CNTNAP2: variants seen among roughly 807,000 people sequenced by gnomAD.
CNTNAP2 encodes contactin-associated protein-like 2.
Under a neutral mutation model 155.2 loss-of-function variants are expected in CNTNAP2, and 98 were observed. That is an observed-to-expected ratio of 0.63 (90% CI 0.54 to 0.75). The LOEUF (loss-of-function observed/expected upper bound fraction) is 0.75. CNTNAP2 is among the 30% of genes least tolerant of loss of function. The probability of loss-of-function intolerance (pLI) is 0.00; values close to 1 mark genes in which losing one functional copy is unlikely to be tolerated. For missense variants in CNTNAP2, 1,727 were observed against 1,688.1 expected, an observed-to-expected ratio of 1.02 and a Z score of -0.40; for synonymous variants, 651 against 631.2, an observed-to-expected ratio of 1.03 and a Z score of -0.47.
chr7:147,184,480 A>G (rs1017305620), intron 8 of CNTNAP2, among the ~76,000 whole-genome samples: 3 of 152,224 alleles, frequency 2.0e-5, no homozygotes, highest in African/African-American at 4.8e-5. Context: ...AGACTCTTGT[A>G]TAAACTATGG....
chr7:147,686,059 T>TA (rs367981754), intron 13 of CNTNAP2, among the ~76,000 whole-genome samples: 9 of 151,882 alleles, frequency 5.9e-5, no homozygotes, highest in East Asian at 5.8e-4. Flanking sequence ...ATATTCTACT[T>TA]AAAAAAAATA....
At chr7:147,033,180 A>ATGTG (rs1222902717) in intron 3 of CNTNAP2, among the ~76,000 whole-genome samples, 51 of 85,252 alleles carry the variant, frequency 6.0e-4, no homozygotes, top group African/African-American at 2.2e-3. Context: ...ATATATATAT[A>ATGTG]TATATATATA....
At chr7:146,350,302 A>C (rs1468706411) in intron 1 of CNTNAP2, among the ~76,000 whole-genome samples, 4 of 152,184 alleles carry the variant, frequency 2.6e-5, no homozygotes, top group African/African-American at 9.7e-5. Context: ...TAATATCTAG[A>C]ATCTACAATG....
chr7:148,096,278 C>T (rs1803967536), intron 15 of CNTNAP2, among the ~76,000 whole-genome samples: 2 of 119,170 alleles, frequency 1.7e-5, no homozygotes, highest in Non-Finnish European at 3.4e-5. Flanking sequence ...TGCATGCATG[C>T]ATGTGTGTGT....
chr7:146,949,845 A>G (rs1050203702), intron 3 of CNTNAP2, among the ~76,000 whole-genome samples: 3 of 152,292 alleles, frequency 2.0e-5, no homozygotes, highest in Non-Finnish European at 2.9e-5. Flanking sequence ...GCCATGGTGA[A>G]GGATATGAGC....
At chr7:146,366,544 A>G (rs531891068) in intron 1 of CNTNAP2, among the ~76,000 whole-genome samples, 1 of 152,274 alleles carries the variant, frequency 6.6e-6, no homozygotes, top group African/African-American at 2.4e-5. Flanking sequence ...TCCTGCACAA[A>G]AAGTATTTTT....
intron 1 of CNTNAP2, among the ~76,000 whole-genome samples, chr7:146,521,465 T>G (rs2129137487): frequency 6.6e-6 from 1 of 152,110 alleles, no homozygotes; most frequent in African/African-American, 2.4e-5. Context: ...TTTTTTTCCC[T>G]TAAATTACTC....
rs369577371 is a variant in CNTNAP2, at chr7:146,773,096, G to A, written c.98-1175G>A. On this transcript the variant is annotated intron_variant, in intron 1 of 23. Transcript: ENST00000361727. The stretch of plus-strand genomic sequence containing the variant: ...ATGCCATTTCCCAGAGACCCAGAGA[G>A]GGACGGTAGACTCAGAACAGTCCTG... Among the ~76,000 whole-genome samples, 14 of 152,078 alleles carry A rather than the reference G, an allele frequency of 9.2e-5. 1 individual carries two copies. The highest frequency in any genetic ancestry group is 1.7e-4 in the African/African-American group (7 of 41,408).
chr7:147,152,118 A>T (rs375623016), intron 8 of CNTNAP2, among the ~76,000 whole-genome samples: 1 of 152,168 alleles, frequency 6.6e-6, no homozygotes, highest in Non-Finnish European at 1.5e-5. Flanking sequence ...ACCCAGCCTA[A>T]GCAGTTTATA....
At chr7:148,387,717 TAAAACTACCTGGGGAGCTTTTTAAAACCC>T (rs547576041) in intron 22 of CNTNAP2, among the ~76,000 whole-genome samples, 1,760 of 152,238 alleles carry the variant, frequency 0.012, 12 homozygotes, top group Middle Eastern at 0.02. Context: ...GGAAGCACTT[TAAAACTACCTGGGGAGCTTTTTAAAACCC>T]AAAACTACCT....
At chr7:147,057,016 T>G (rs544763502) in intron 4 of CNTNAP2, among the ~76,000 whole-genome samples, 4 of 152,010 alleles carry the variant, frequency 2.6e-5, no homozygotes, top group African/African-American at 7.2e-5. Context: ...CCCACGTTGG[T>G]TTTAGACTCC....
intron 1 of CNTNAP2, among the ~76,000 whole-genome samples, chr7:146,131,862 T>C (rs1443696512): frequency 6.6e-6 from 1 of 152,134 alleles, no homozygotes; most frequent in Non-Finnish European, 1.5e-5. Context: ...GTTCTCGTGA[T>C]AGTGAGTGAG....
chr7:147,244,337 A>T (rs1194384310), intron 8 of CNTNAP2, among the ~76,000 whole-genome samples: 1 of 152,224 alleles, frequency 6.6e-6, no homozygotes, highest in Non-Finnish European at 1.5e-5. Flanking sequence ...AATAAAAAGA[A>T]AATGACGTTT....
intron 15 of CNTNAP2, among the ~76,000 whole-genome samples, chr7:148,067,506 G>A (rs928951362): frequency 6.6e-6 from 1 of 152,250 alleles, no homozygotes; most frequent in African/African-American, 2.4e-5. Flanking sequence ...CGAGGTAGTA[G>A]GGAAGTGAGG....
intron 1 of CNTNAP2, among the ~76,000 whole-genome samples, chr7:146,481,880 G>A (rs886394747): frequency 5.9e-5 from 9 of 152,160 alleles, no homozygotes; most frequent in African/African-American, 2.2e-4. Flanking sequence ...TTGAATAGAG[G>A]TGAAAACTTC....
chr7:147,948,731 G>A (rs1800866142), intron 14 of CNTNAP2, among the ~76,000 whole-genome samples: 1 of 150,976 alleles, frequency 6.6e-6, no homozygotes, highest in Non-Finnish European at 1.5e-5. Context: ...GCTATGTCCT[G>A]CACAGTCAAA....
At position 148,112,047 on chromosome 7, in the gene CNTNAP2, G is replaced by A. The variant is rs139030116; in HGVS notation, c.2384-6071G>A. Among the ~76,000 whole-genome samples the A allele has an allele frequency of 3.3e-3, 508 of 152,240 alleles. 2 individuals carry two copies. Among genetic ancestry groups the A allele is most frequent in the African/African-American group, 0.012 (478 of 41,546 alleles). ...TGTGCAGGAACCCTGAGAAGACCCC[G>A]TCCAGGTGGGAACAGAGGAAAGAGA... On this transcript the variant is annotated intron_variant, in intron 15 of 23. Transcript: ENST00000361727.
At position 147,361,496 on chromosome 7, in the gene CNTNAP2, A is replaced by G. The variant is rs115720963; in HGVS notation, c.1499-34113A>G. On this transcript the variant is annotated intron_variant, in intron 9 of 23. Transcript: ENST00000361727. The stretch of plus-strand genomic sequence containing the variant: ...ACTTTTAAGTCACGTTGTGTTAGAC[A>G]AGAGTTATGCCTTATCTTCTCACTA... Among the ~76,000 whole-genome samples the G allele has an allele frequency of 3.2e-3, 495 of 152,310 alleles. 5 individuals are homozygous for G. Among genetic ancestry groups the G allele is most frequent in the African/African-American group, 0.011 (462 of 41,578 alleles).
At chr7:146,464,127 C>T (rs1401422629) in intron 1 of CNTNAP2, among the ~76,000 whole-genome samples, 1 of 149,226 alleles carries the variant, frequency 6.7e-6, no homozygotes, top group East Asian at 2.0e-4. Context: ...AAAAACAGTT[C>T]GTTAATGAAC....
Sources: gnomAD v4.1 joint callset for allele counts (sites outside exome capture counted in the v4.1 genomes callset) on GRCh38, gnomAD v4.1.1 for gene constraint, MANE v1.5 for transcripts, NCBI Gene and HGNC (gene_info 2026-07-23, HGNC 2026-07-21) for gene names.